Variants in KDM3B observed in about 807,000 individuals in gnomAD.
KDM3B encodes lysine demethylase 3B.
Under a neutral mutation model 170.0 loss-of-function variants are expected in KDM3B, and 10 were observed. The observed-to-expected ratio is 0.06, with a 90% confidence interval of 0.04 to 0.10. KDM3B has a LOEUF of 0.10. KDM3B is among the 10% of genes least tolerant of loss of function. The pLI is 1.00. For synonymous variants in KDM3B, 831 were observed against 834.8 expected, an observed-to-expected ratio of 1.00 and a Z score of 0.08; for missense variants, 1,394 against 2,195.2, an observed-to-expected ratio of 0.64 and a Z score of 7.29.
chr5:138,393,991 C>T (rs192664404), intron 9 of KDM3B, among the ~76,000 whole-genome samples: 29 of 152,188 alleles, frequency 1.9e-4, no homozygotes, highest in African/African-American at 6.5e-4. Flanking sequence ...GTTTATTGAG[C>T]ATTTAATGTG....
At chr5:138,421,045 A>C in intron 15 of KDM3B, 83 bp downstream of exon 15, 1 of 1,495,294 alleles carries the variant, frequency 6.7e-7, no homozygotes, top group Non-Finnish European at 9.2e-7. Context: ...TAGAGGGTAC[A>C]TGGGTGATTT....
intron 9 of KDM3B, among the ~76,000 whole-genome samples, chr5:138,396,645 T>A (rs187438982): frequency 1.8e-4 from 27 of 152,064 alleles, no homozygotes; most frequent in African/African-American, 6.0e-4. Flanking sequence ...CGGGAACTCA[T>A]GGAATACGTG....
chr5:138,417,349 A>T, intron 12 of KDM3B, 134 bp from the exon 13 acceptor site: 1 of 868,152 alleles, frequency 1.2e-6, no homozygotes, highest in Non-Finnish European at 1.7e-6. Context: ...GATCATCAAA[A>T]ATTGAAGTAA....
chr5:138,427,330 G>C lies in KDM3B; in HGVS notation c.4633+11G>C, dbSNP rs1561796372. The C allele has an allele frequency of 6.2e-7, 1 of 1,601,988 alleles. No individual in the cohort carries two copies. Among genetic ancestry groups the C allele is most frequent in the Non-Finnish European group, 8.5e-7 (1 of 1,170,944 alleles). On this transcript the variant is annotated intron_variant, in intron 19 of 23. Transcript: ENST00000314358. Reference sequence around the variant, plus strand: ...TGTACAACGCCTATGGTATGAGGGAGAGGCTAAAATTGCTCTTTTGGGGGA... The same window carrying C: ...TGTACAACGCCTATGGTATGAGGGACAGGCTAAAATTGCTCTTTTGGGGGA...
At chr5:138,355,426 C>G (rs1761425447) in intron 1 of KDM3B, among the ~76,000 whole-genome samples, 1 of 152,070 alleles carries the variant, frequency 6.6e-6, no homozygotes, top group South Asian at 2.1e-4. Flanking sequence ...CAAGTGCTAC[C>G]TTAAGGTGAG....
At chr5:138,401,365 T>C (rs1762691312) in intron 11 of KDM3B, among the ~76,000 whole-genome samples, 1 of 152,216 alleles carries the variant, frequency 6.6e-6, no homozygotes, top group Non-Finnish European at 1.5e-5. Flanking sequence ...CAAGGCTTGC[T>C]TTACACTTTG....
At position 138,391,218 on chromosome 5, in the gene KDM3B, G is replaced by A; in HGVS notation, c.1586G>A (p.Cys529Tyr). The A allele has an allele frequency of 1.2e-6, 2 of 1,613,804 alleles. No individual in the cohort carries two copies. Among genetic ancestry groups the A allele is most frequent in the Non-Finnish European group, 1.7e-6 (2 of 1,179,910 alleles). ...TDLSKNLFFQ[C>Y]MSQTLPTSNY... ...CTCTCCAAAAACTTGTTTTTTCAAT[G>A]CATGTCCCAAACTTTACCTACCAGT... is the stretch of plus-strand genomic sequence containing the variant. Residue 529 changes from cysteine (C) to tyrosine (Y), a missense_variant, in exon 8 of 24, where the codon TGC (cysteine) becomes TAC (tyrosine). Physicochemically the swap from Cys to Tyr is radical, Grantham distance 194. Around this residue, in one of 19 missense-constraint regions of KDM3B, gnomAD observed 294 missense variants for 311.7 expected, o/e 0.94. Transcript: ENST00000314358. This position sits in a 1 kb window ranked among gnomAD's most constrained non-coding sequence, Gnocchi z 5.0.
chr5:138,424,952 A>G (rs1561794852), intron 16 of KDM3B, among the ~76,000 whole-genome samples: 1 of 152,198 alleles, frequency 6.6e-6, no homozygotes, highest in Non-Finnish European at 1.5e-5. Context: ...TGTGATTTTA[A>G]GATGGGGCAG....
At chr5:138,421,729 TA>T (rs1763278003) in intron 15 of KDM3B, among the ~76,000 whole-genome samples, 1 of 152,200 alleles carries the variant, frequency 6.6e-6, no homozygotes, top group Admixed American at 6.5e-5. Context: ...AGAAAAATAA[TA>T]AAATATAAGT....
intron 10 of KDM3B, among the ~76,000 whole-genome samples, chr5:138,399,017 T>C (rs1415550986): frequency 6.6e-6 from 1 of 150,730 alleles, no homozygotes; most frequent in Non-Finnish European, 1.5e-5. Context: ...CCCTCCTGAG[T>C]AGCTGGGACT....
In KDM3B at chr5:138,391,902, A is replaced by G; in HGVS notation, c.2270A>G (p.Gln757Arg). 1 of 1,613,652 alleles carries G rather than the reference A, an allele frequency of 6.2e-7. No individual in the cohort carries two copies. Among genetic ancestry groups the G allele is most frequent in the Non-Finnish European group, 8.5e-7 (1 of 1,179,610 alleles). ...AGGCCAACTGTGGGGCCTGGGCAGC[A>G]GGACAATCCCCTCCTCAAAACCTTT... ...EERPTVGPGQ[Q>R]DNPLLKTFSN... Residue 757 changes from glutamine (Q) to arginine (R), a missense_variant, in exon 8 of 24, where the codon CAG (glutamine) becomes CGG (arginine). This residue lies in a region of KDM3B where 294 missense variants were observed against 311.7 expected (regional missense o/e 0.94). Transcript: ENST00000314358. This position sits in a 1 kb window ranked among gnomAD's most constrained non-coding sequence, Gnocchi z 5.0.
intron 11 of KDM3B, among the ~76,000 whole-genome samples, chr5:138,402,307 C>T (rs1762713241): frequency 1.3e-5 from 2 of 152,208 alleles, no homozygotes; most frequent in African/African-American, 4.8e-5. Flanking sequence ...GTGCCAGAAA[C>T]CCTCCTTGCC....
intron 13 of KDM3B, 86 bp from the exon 14 acceptor site, chr5:138,418,867 C>T: frequency 8.1e-7 from 1 of 1,235,184 alleles, no homozygotes; most frequent in South Asian, 1.4e-5. Flanking sequence ...TCTTCCCAGA[C>T]CTATTTAGTA....
At chr5:138,397,193 G>C (rs549217298) in intron 9 of KDM3B, among the ~76,000 whole-genome samples, 1 of 152,040 alleles carries the variant, frequency 6.6e-6, no homozygotes, top group African/African-American at 2.4e-5. Flanking sequence ...AAATCAGCTG[G>C]GCGTGGTGGC....
intron 11 of KDM3B, among the ~76,000 whole-genome samples, chr5:138,401,031 G>A (rs189784377): frequency 3.6e-4 from 55 of 152,054 alleles, no homozygotes; most frequent in African/African-American, 1.3e-3. Context: ...CCAGCACTTT[G>A]GGAGGCCAAG....
chr5:138,392,271 C>T lies in KDM3B; in HGVS notation c.2629+10C>T. The T allele has an allele frequency of 6.8e-7, 1 of 1,479,660 alleles. No individual in the cohort carries two copies. The allele number at this position is 1,479,660 out of a possible 1,614,324, so 91.7% of individuals were successfully genotyped here. ...ACTGCCCCCCTGAAAGGTGATCCTG[C>T]TGGGGCTATATTTGGGCTTTGCTCT... On this transcript the variant is annotated intron_variant, in intron 8 of 23. Coordinates refer to ENST00000314358, the MANE Select transcript of KDM3B (RefSeq NM_016604.4).
At chr5:138,428,444 C>T (rs1244535326) in intron 20 of KDM3B, among the ~76,000 whole-genome samples, 1 of 152,196 alleles carries the variant, frequency 6.6e-6, no homozygotes, top group Non-Finnish European at 1.5e-5. Flanking sequence ...CTCCTGACCT[C>T]AGGTGATCCG....
At chr5:138,390,224 G>A (rs1190215923) in intron 7 of KDM3B, among the ~76,000 whole-genome samples, 1 of 151,974 alleles carries the variant, frequency 6.6e-6, no homozygotes, top group African/African-American at 2.4e-5. Context: ...GAAGGAAAGG[G>A]GAGTGTTCTG....
intron 11 of KDM3B, among the ~76,000 whole-genome samples, chr5:138,407,089 G>A (rs1051151736): frequency 2.7e-5 from 4 of 150,414 alleles, no homozygotes; most frequent in Non-Finnish European, 4.4e-5. Context: ...GGGTTCAAGC[G>A]ATTCTCCTGC....
Sources: gnomAD v4.1 joint callset for allele counts (sites outside exome capture counted in the v4.1 genomes callset) on GRCh38, gnomAD v4.1.1 for gene constraint, gnomAD v4.1.1 regional missense constraint, Gnocchi (gnomAD v3.1) non-coding constraint, MANE v1.5 for transcripts, NCBI Gene and HGNC (gene_info 2026-07-23, HGNC 2026-07-21) for gene names.